The following UPF2 variants were observed in gnomAD, a reference collection of about 807,000 sequenced individuals.
UPF2 encodes regulator of nonsense transcripts 2.
A neutral mutation model predicts 141.4 loss-of-function variants in UPF2; 17 were observed. The ratio of observed to expected loss-of-function variants is 0.12; its 90% CI spans 0.08 to 0.18. The LOEUF is 0.18. UPF2 is among the 10% of genes least tolerant of loss of function. UPF2 has a pLI of 1.00. For missense variants in UPF2, 1,152 were observed against 1,515.9 expected, an observed-to-expected ratio of 0.76 and a Z score of 3.99; for synonymous variants, 540 against 498.0, an observed-to-expected ratio of 1.08 and a Z score of -1.12.
chr10:12,002,141 C>T (rs1049780351), intron 5 of UPF2, among the ~76,000 whole-genome samples: 13 of 151,876 alleles, frequency 8.6e-5, no homozygotes, highest in African/African-American at 2.7e-4. Context: ...CATGGTGGCA[C>T]ATGTCTGTAA....
At chr10:11,999,037 A>AC (rs1833910073) in intron 7 of UPF2, among the ~76,000 whole-genome samples, 1 of 151,564 alleles carries the variant, frequency 6.6e-6, no homozygotes. Flanking sequence ...AAAAAAAAAA[A>AC]AAACTCATTT....
intron 18 of UPF2, among the ~76,000 whole-genome samples, chr10:11,938,022 T>C (rs1391692604): frequency 6.6e-6 from 1 of 152,182 alleles, no homozygotes; most frequent in East Asian, 1.9e-4. Context: ...CTCCAGCGAC[T>C]TCCCACTGCC....
At chr10:12,011,466 C>T (rs1013704761) in intron 4 of UPF2, among the ~76,000 whole-genome samples, 1 of 151,616 alleles carries the variant, frequency 6.6e-6, no homozygotes, top group African/African-American at 2.4e-5. Context: ...GGCTTGGTGG[C>T]GCATATCTGT....
intron 8 of UPF2, among the ~76,000 whole-genome samples, chr10:11,993,892 C>T (rs1235146204): frequency 2.0e-5 from 3 of 151,866 alleles, no homozygotes; most frequent in African/African-American, 4.8e-5. Flanking sequence ...GCGAGGCTAA[C>T]GTGAAAGGAT....
chr10:12,015,437 C>T (rs1321944040), intron 3 of UPF2, among the ~76,000 whole-genome samples: 1 of 152,250 alleles, frequency 6.6e-6, no homozygotes, highest in Non-Finnish European at 1.5e-5. Flanking sequence ...CATGGTGACT[C>T]ACGCCTATAA....
intron 2 of UPF2, among the ~76,000 whole-genome samples, chr10:12,029,831 G>A (rs577759638): frequency 6.6e-6 from 1 of 151,764 alleles, no homozygotes; most frequent in African/African-American, 2.4e-5. Flanking sequence ...GCGTGATGGC[G>A]CTCACCTGTA....
At chr10:11,994,759 G>A (rs577546811) in intron 8 of UPF2, among the ~76,000 whole-genome samples, 1 of 152,016 alleles carries the variant, frequency 6.6e-6, no homozygotes, top group African/African-American at 2.4e-5. Context: ...GGTGGATCAC[G>A]AAGTCAGGAG....
chr10:12,009,315 A>T (rs544854227), intron 4 of UPF2, among the ~76,000 whole-genome samples: 2 of 152,356 alleles, frequency 1.3e-5, no homozygotes, highest in East Asian at 3.8e-4. Context: ...ACAGAGGACA[A>T]GTAAATTACA....
chr10:11,967,252 C>T (rs1833335996), intron 10 of UPF2, 89 bp downstream of exon 10: 1 of 778,166 alleles, frequency 1.3e-6, no homozygotes, highest in East Asian at 3.4e-5. Flanking sequence ...TTGGATTAAT[C>T]AAATATTAAA....
In UPF2 at chr10:12,038,378, T is replaced by TCACTCACACACA. The variant is rs71380802; in HGVS notation, c.-18-2938_-18-2937insTGTGTGTGAGTG. ...ATGGGCGACAGAGTGAGACTCCATCTCACACACACACACACACACACACAC... is the reference window on the plus strand; with the variant it reads ...ATGGGCGACAGAGTGAGACTCCATCTCACTCACACACACACACACACACACACACACACACAC... On this transcript the variant is annotated intron_variant, in intron 1 of 21. Transcript: ENST00000357604. Among the ~76,000 whole-genome samples, 1,157 of 135,908 alleles carry TCACTCACACACA rather than the reference T, an allele frequency of 8.5e-3. 12 individuals are homozygous for TCACTCACACACA. The highest frequency in any genetic ancestry group is 0.021 in the African/African-American group (751 of 35,388). 89.2% of individuals were successfully genotyped at this position (135,908 alleles called of 152,430 possible). A position where few individuals can be genotyped will look rare whatever the true frequency, so the allele number is the denominator to read the frequency against.
intron 2 of UPF2, among the ~76,000 whole-genome samples, chr10:12,033,664 T>TA (rs985244105): frequency 6.6e-5 from 10 of 151,792 alleles, no homozygotes; most frequent in East Asian, 5.8e-4. Context: ...CCTCTTAAAT[T>TA]AAAAAAAAAC....
intron 19 of UPF2, among the ~76,000 whole-genome samples, chr10:11,934,486 T>A (rs897897127): frequency 2.6e-5 from 4 of 152,216 alleles, no homozygotes; most frequent in African/African-American, 7.2e-5. Context: ...GATGGCAGTG[T>A]CTGAGGAAGA....
At chr10:12,024,645 GGGTGGCA>G (rs1834379387) in intron 3 of UPF2, among the ~76,000 whole-genome samples, 3 of 151,026 alleles carry the variant, frequency 2.0e-5, no homozygotes, top group Non-Finnish European at 4.4e-5. Context: ...ATTAAAGGTG[GGGTGGCA>G]CCGAGCACAG....
chr10:11,942,553 A>T, intron 18 of UPF2, 112 bp downstream of exon 18: 1 of 884,626 alleles, frequency 1.1e-6, no homozygotes, highest in Non-Finnish European at 1.7e-6. Context: ...ATCTAGCAAA[A>T]GCTGCTGCAG....
At chr10:11,955,199 A>G (rs1449997020) in intron 14 of UPF2, 33 bp downstream of exon 14, 1 of 1,529,978 alleles carries the variant, frequency 6.5e-7, no homozygotes, top group South Asian at 1.4e-5. Context: ...AATATGTTAA[A>G]TGATGCCAAA....
rs1324632490 is a variant in UPF2, at chr10:11,992,751, T to C, written c.1844+4921A>G. 1.3e-5 allele frequency among the ~76,000 whole-genome samples: 2 copies of C among 152,028 alleles called. No individual in the cohort carries two copies. The highest frequency in any genetic ancestry group is 2.4e-5 in the African/African-American group (1 of 41,374). The stretch of plus-strand genomic sequence containing the variant: ...GAGTAAAATTCAATTCAATTGTACA[T>C]AAAAGAGACTCAACTAAAATAAAAT... On this transcript the variant is annotated intron_variant, in intron 8 of 21. Transcript: ENST00000357604. This position sits in a 1 kb window ranked among gnomAD's most constrained non-coding sequence, Gnocchi z 4.1.
intron 8 of UPF2, among the ~76,000 whole-genome samples, chr10:11,982,944 G>A (rs1039910423): frequency 1.3e-5 from 2 of 152,076 alleles, no homozygotes; most frequent in South Asian, 4.2e-4. Flanking sequence ...TTTAAAAATG[G>A]AATTTACCAC....
At chr10:11,989,522 G>C (rs1241620756) in intron 8 of UPF2, among the ~76,000 whole-genome samples, 5 of 152,152 alleles carry the variant, frequency 3.3e-5, no homozygotes, top group Admixed American at 3.3e-4. Flanking sequence ...TCTTTCAAAA[G>C]ACTGTCCTCT....
At chr10:12,038,455 A>G (rs570691461) in intron 1 of UPF2, among the ~76,000 whole-genome samples, 2 of 149,048 alleles carry the variant, frequency 1.3e-5, no homozygotes, top group Non-Finnish European at 3.0e-5. Flanking sequence ...CAGGCTGGGC[A>G]CCATGGCTCA....
Sources: allele counts gnomAD v4.1 joint callset (sites outside exome capture counted in the v4.1 genomes callset), GRCh38; gene constraint gnomAD v4.1.1; non-coding constraint Gnocchi (gnomAD v3.1); transcripts MANE v1.5; gene names NCBI Gene and HGNC (gene_info 2026-07-23, HGNC 2026-07-21).